The following ADAM32 variants were observed in gnomAD, a reference collection of about 807,000 sequenced individuals.
The protein encoded by ADAM32 is disintegrin and metalloproteinase domain-containing protein 32.
Under a neutral mutation model 114.9 loss-of-function variants are expected in ADAM32, and 89 were observed. The ratio of observed to expected loss-of-function variants is 0.77; its 90% confidence interval spans 0.65 to 0.92. The LOEUF (loss-of-function observed/expected upper bound fraction) is 0.92. Ranked by LOEUF, ADAM32 falls within the 40% of genes least tolerant of loss-of-function variation. ADAM32 has a pLI of 0.00. For missense variants in ADAM32, 870 were observed against 932.8 expected, an observed-to-expected ratio of 0.93 and a Z score of 0.88; for synonymous variants, 285 against 307.5, an observed-to-expected ratio of 0.93 and a Z score of 0.77.
chr8:39,254,588 C>A, intron 18 of ADAM32, 72 bp downstream of exon 18: 3 of 1,218,256 alleles, frequency 2.5e-6, no homozygotes, highest in South Asian at 1.6e-5. Context: ...AAACAAAGTT[C>A]GATTTTTCCA....
intron 19 of ADAM32, among the ~76,000 whole-genome samples, chr8:39,259,007 C>T (rs1811840848): frequency 6.6e-6 from 1 of 151,948 alleles, no homozygotes; most frequent in South Asian, 2.1e-4. Flanking sequence ...GTTTTTTTCT[C>T]AATCTGTCTT....
chr8:39,119,809 A>C (rs1247349137), intron 2 of ADAM32, among the ~76,000 whole-genome samples: 2 of 152,178 alleles, frequency 1.3e-5, no homozygotes, highest in Admixed American at 1.3e-4. Context: ...CATATGTTGA[A>C]TCCCTAACCC....
intron 18 of ADAM32, 30 bp from the exon 19 acceptor site, chr8:39,257,157 G>GT (rs200807312): frequency 0.091 from 103,627 of 1,133,580 alleles, 66 homozygotes; most frequent in Non-Finnish European, 0.095. Context: ...TAATTTTTTT[G>GT]TTTTTTTTTT....
intron 10 of ADAM32, among the ~76,000 whole-genome samples, chr8:39,183,175 T>C (rs1394272900): frequency 1.3e-5 from 2 of 152,216 alleles, no homozygotes; most frequent in Admixed American, 6.5e-5. Context: ...TGGCTAGTCT[T>C]TCTGGCGTGG....
chr8:39,112,658 C>T (rs1840212876), intron 1 of ADAM32, among the ~76,000 whole-genome samples: 2 of 152,170 alleles, frequency 1.3e-5, no homozygotes, highest in East Asian at 3.8e-4. Flanking sequence ...TTCCCCCATT[C>T]ATTTGAAATG....
intron 12 of ADAM32, among the ~76,000 whole-genome samples, chr8:39,214,888 GT>G (rs2129448512): frequency 6.6e-6 from 1 of 152,124 alleles, no homozygotes; most frequent in African/African-American, 2.4e-5. Context: ...GAGGGGTCTA[GT>G]TTCATTGTCA....
At chr8:39,184,678 G>A (rs1806107693) in intron 10 of ADAM32, among the ~76,000 whole-genome samples, 1 of 152,158 alleles carries the variant, frequency 6.6e-6, no homozygotes, top group African/African-American at 2.4e-5. Context: ...TCATCTGTAT[G>A]GCAGGTTCCT....
chr8:39,257,456 A>T lies in ADAM32; in HGVS notation c.2162+113A>T, dbSNP rs1015491054. ...TTTACATATCACTGGGATTTTGAGT[A>T]TTACATCAATATGTCATTTAATTTT... On this transcript the variant is annotated intron_variant, in intron 19 of 24. Coordinates refer to ENST00000379907, the MANE Select transcript of ADAM32 (RefSeq NM_145004.7). 11 of 1,231,530 alleles carry T rather than the reference A, an allele frequency of 8.9e-6. No homozygotes were observed. In the African/African-American group the frequency reaches 1.7e-4, roughly 19 times the overall value. The allele number at this position is 1,231,530 out of a possible 1,614,324, so 76.3% of individuals were successfully genotyped here. A position where few individuals can be genotyped will look rare whatever the true frequency, so the allele number is the denominator to read the frequency against.
At chr8:39,138,928 T>C (rs1333533113) in intron 3 of ADAM32, among the ~76,000 whole-genome samples, 2 of 152,254 alleles carry the variant, frequency 1.3e-5, no homozygotes, top group Non-Finnish European at 2.9e-5. Context: ...TGACCAGTGA[T>C]GATGAGCATT....
In ADAM32 at chr8:39,165,424, C is replaced by A. The variant is rs182755803; in HGVS notation, c.833+228C>A. ...TTATAAATGAAGACATTGAGAGTTT[C>A]AAGAGGTTAAGCCATCTCAGGACTC... On this transcript the variant is annotated intron_variant, in intron 9 of 24. Transcript: ENST00000379907. The A allele has an allele frequency of 1.9e-4, 71 of 368,640 alleles. No homozygotes were observed. In the Admixed American group the frequency reaches 2.8e-3, roughly 15 times the overall value. The allele number at this position is 368,640 out of a possible 1,614,324, so 22.8% of individuals were successfully genotyped here.
intron 17 of ADAM32, among the ~76,000 whole-genome samples, chr8:39,247,030 TA>T (rs1406370601): frequency 6.6e-6 from 1 of 152,180 alleles, no homozygotes; most frequent in East Asian, 1.9e-4. Flanking sequence ...TATGGCTTGA[TA>T]GCTTATTTCT....
intron 19 of ADAM32, 139 bp downstream of exon 19, chr8:39,257,482 A>G: frequency 9.1e-7 from 1 of 1,104,246 alleles, no homozygotes; most frequent in East Asian, 2.5e-5. Flanking sequence ...ATTTAATTTT[A>G]TGAGGTAGCT....
chr8:39,230,818 G>A (rs1224542983), intron 14 of ADAM32, among the ~76,000 whole-genome samples: 1 of 151,904 alleles, frequency 6.6e-6, no homozygotes, highest in Non-Finnish European at 1.5e-5. Context: ...GAATGGAGAG[G>A]GATTAGATGG....
intron 11 of ADAM32, among the ~76,000 whole-genome samples, chr8:39,203,893 C>G (rs894306437): frequency 6.6e-6 from 1 of 152,092 alleles, no homozygotes; most frequent in Admixed American, 6.6e-5. Context: ...ACTTATGAAG[C>G]TTAGTTTGGC....
At chr8:39,237,183 G>A (rs1231908193) in intron 16 of ADAM32, among the ~76,000 whole-genome samples, 4 of 152,112 alleles carry the variant, frequency 2.6e-5, no homozygotes, top group East Asian at 1.9e-4. Context: ...AAGAAGCAGC[G>A]GGAAGAGCCT....
At chr8:39,108,604 C>T (rs1840024992) in intron 1 of ADAM32, among the ~76,000 whole-genome samples, 1 of 152,094 alleles carries the variant, frequency 6.6e-6, no homozygotes, top group South Asian at 2.1e-4. Flanking sequence ...GTAAGACATG[C>T]CATGTACTGA....
chr8:39,232,931 T>C (rs1809843047), intron 15 of ADAM32, among the ~76,000 whole-genome samples: 1 of 152,228 alleles, frequency 6.6e-6, no homozygotes, highest in African/African-American at 2.4e-5. Flanking sequence ...AGTATTAGAC[T>C]GTAAAGTCCT....
Position 39,275,850 on chromosome 8 carries a change from C to A in ADAM32, c.2263C>A (p.Gln755Lys). Residue 755 changes from glutamine (Q) to lysine (K), a missense_variant, in exon 22 of 25, where the codon CAA becomes AAA. Coordinates refer to ENST00000379907, the MANE Select transcript of ADAM32 (RefSeq NM_145004.7). ...TAGAACCAGATCAGAAAGCAGCAGTCAAGCTGATACTAGCAAGTAAGTGAA... is the reference window on the plus strand; with the variant it reads ...TAGAACCAGATCAGAAAGCAGCAGTAAAGCTGATACTAGCAAGTAAGTGAA... ...ASQTRSESSS[Q>K]ADTSKSKSED... 1.3e-6 allele frequency: 2 copies of A among 1,560,948 alleles called. No individual in the cohort carries two copies. Among genetic ancestry groups the A allele is most frequent in the Non-Finnish European group, 1.7e-6 (2 of 1,151,778 alleles).
At chr8:39,180,740 C>A (rs1210119933) in intron 10 of ADAM32, among the ~76,000 whole-genome samples, 1 of 152,162 alleles carries the variant, frequency 6.6e-6, no homozygotes, top group Non-Finnish European at 1.5e-5. Flanking sequence ...CCAATTGACA[C>A]TCTGTATCTA....
Sources: gnomAD v4.1 joint callset for allele counts (sites outside exome capture counted in the v4.1 genomes callset) on GRCh38, gnomAD v4.1.1 for gene constraint, MANE v1.5 for transcripts, NCBI Gene and HGNC (gene_info 2026-07-23, HGNC 2026-07-21) for gene names.